Variants in CSMD1 observed in about 807,000 individuals in gnomAD.
CSMD1 encodes CUB and sushi domain-containing protein 1.
A neutral mutation model predicts 417.5 loss-of-function variants in CSMD1; 213 were observed. The observed-to-expected ratio is 0.51, with a 90% CI of 0.46 to 0.57. The LOEUF is 0.57. CSMD1 is among the 20% of genes least tolerant of loss of function. CSMD1 has a pLI of 0.00. For missense variants in CSMD1, 6,923 were observed against 4,529.7 expected, an observed-to-expected ratio of 1.53 and a Z score of -15.17; for synonymous variants, 2,862 against 1,736.8, an observed-to-expected ratio of 1.65 and a Z score of -16.11.
At chr8:4,617,917 G>GT (rs1563338860) in intron 2 of CSMD1, among the ~76,000 whole-genome samples, 15 of 152,202 alleles carry the variant, frequency 9.9e-5, no homozygotes, top group African/African-American at 3.6e-4. Flanking sequence ...CAGTTCCTAT[G>GT]CAATAACACT....
rs1811651785 is a variant in CSMD1 at position 4,994,481 on chromosome 8, G to A, written c.-65C>T. 8.3e-6 allele frequency: 12 copies of A among 1,450,858 alleles called. No homozygotes were observed. Among genetic ancestry groups the A allele is most frequent in the South Asian group, 1.2e-5 (1 of 85,920 alleles). The allele number at this position is 1,450,858 out of a possible 1,614,324, so 89.9% of individuals were successfully genotyped here. On this transcript the variant is annotated 5_prime_UTR_variant, in exon 1 of 70. Transcript: ENST00000635120. Reference sequence around the variant, plus strand: ...CTCCGAGGAAGGCAGGGCTATGAGCGGAGCCAAATAATCACCCGAGGGCAA... The same window carrying A: ...CTCCGAGGAAGGCAGGGCTATGAGCAGAGCCAAATAATCACCCGAGGGCAA...
At chr8:4,358,240 G>T (rs1222805229) in intron 3 of CSMD1, among the ~76,000 whole-genome samples, 1 of 152,214 alleles carries the variant, frequency 6.6e-6, no homozygotes, top group African/African-American at 2.4e-5. Flanking sequence ...ATGTCACTGT[G>T]GGGCTTGTTG....
In CSMD1 at chr8:4,752,141, T is replaced by C. The variant is rs79345976; in HGVS notation, c.86-114583A>G. On this transcript the variant is annotated intron_variant, in intron 1 of 69. Coordinates refer to ENST00000635120, the MANE Select transcript of CSMD1 (RefSeq NM_033225.6). ...CACATGTATATATCATATATATGTA[T>C]CTCAGTTGCTCTTTAGTTCCTTACC... is the stretch of plus-strand genomic sequence containing the variant. Among the ~76,000 whole-genome samples, 4 of 152,154 alleles carry C rather than the reference T, an allele frequency of 2.6e-5. No individual in the cohort carries two copies. The South Asian group carries it at 8.3e-4, about 32-fold the overall frequency.
intron 2 of CSMD1, among the ~76,000 whole-genome samples, chr8:4,439,638 G>T (rs980974540): frequency 6.6e-6 from 1 of 152,084 alleles, no homozygotes; most frequent in African/African-American, 2.4e-5. Context: ...AGCACCATAA[G>T]GCAAAATGGA....
intron 37 of CSMD1, among the ~76,000 whole-genome samples, chr8:3,171,828 A>G (rs987483733): frequency 1.3e-5 from 2 of 152,172 alleles, no homozygotes; most frequent in African/African-American, 4.8e-5. Flanking sequence ...TTTATCCATT[A>G]TTTGGGAATA....
chr8:3,144,280 G>A (rs538151303), intron 40 of CSMD1, among the ~76,000 whole-genome samples: 20 of 144,394 alleles, frequency 1.4e-4, no homozygotes, highest in Non-Finnish European at 1.4e-4. Flanking sequence ...GGTTTGGTAT[G>A]CCAATAGACT....
chr8:4,229,973 G>A (rs746776027), intron 3 of CSMD1, among the ~76,000 whole-genome samples: 3 of 152,086 alleles, frequency 2.0e-5, no homozygotes, highest in Non-Finnish European at 4.4e-5. Context: ...TCCTAAAGCC[G>A]ACATTATAAC....
chr8:4,142,014 CA>C lies in CSMD1; in HGVS notation c.416-109916del, dbSNP rs1257298475. 6.0e-5 allele frequency among the ~76,000 whole-genome samples: 9 copies of C among 150,252 alleles called. 2 individuals carry two copies. Among genetic ancestry groups the C allele is most frequent in the African/African-American group, 2.2e-4 (9 of 40,092 alleles). On this transcript the variant is annotated intron_variant, in intron 3 of 69. Transcript: ENST00000635120. ...TCAACTTATATATTCAATGATGTTC[CA>C]AAACTTCTATATTCAAAGATGTTTT...
chr8:3,856,239 C>T (rs1037660347), intron 5 of CSMD1, among the ~76,000 whole-genome samples: 66 of 152,040 alleles, frequency 4.3e-4, no homozygotes, highest in African/African-American at 1.6e-3. Context: ...GTAGCACCTG[C>T]TCTCTCTCTT....
At chr8:4,851,391 T>C (rs1801472030) in intron 1 of CSMD1, among the ~76,000 whole-genome samples, 1 of 152,102 alleles carries the variant, frequency 6.6e-6, no homozygotes, top group Non-Finnish European at 1.5e-5. Context: ...TTCCTGCTTT[T>C]CCTTTTTTGT....
chr8:3,379,316 T>C (rs1810493715), intron 18 of CSMD1, among the ~76,000 whole-genome samples: 1 of 152,182 alleles, frequency 6.6e-6, no homozygotes, highest in South Asian at 2.1e-4. Context: ...AAAATGGCAA[T>C]ACTGTCCAAA....
chr8:4,636,825 TC>T (rs1474582705), intron 2 of CSMD1, among the ~76,000 whole-genome samples: 2 of 152,168 alleles, frequency 1.3e-5, no homozygotes, highest in African/African-American at 4.8e-5. Flanking sequence ...CAGCTGGACT[TC>T]TTGCATTGAG....
At chr8:3,806,936 A>C (rs1250799673) in intron 5 of CSMD1, among the ~76,000 whole-genome samples, 1 of 152,184 alleles carries the variant, frequency 6.6e-6, no homozygotes, top group South Asian at 2.1e-4. Context: ...TCTAATTGTC[A>C]GATAGGATTT....
chr8:4,218,940 G>A (rs2128807106), intron 3 of CSMD1, among the ~76,000 whole-genome samples: 1 of 152,240 alleles, frequency 6.6e-6, no homozygotes, highest in South Asian at 2.1e-4. Context: ...CATTCTCTGA[G>A]CAATGCTATT....
chr8:4,920,064 G>T (rs757712171), intron 1 of CSMD1, among the ~76,000 whole-genome samples: 1 of 152,072 alleles, frequency 6.6e-6, no homozygotes, highest in East Asian at 1.9e-4. Context: ...AGACAGTAGA[G>T]GAAAATAAAA....
intron 1 of CSMD1, among the ~76,000 whole-genome samples, chr8:4,883,850 G>A (rs552173139): frequency 6.6e-6 from 1 of 151,864 alleles, no homozygotes; most frequent in South Asian, 2.1e-4. Context: ...TTTATAACTG[G>A]GGGTGAAATT....
chr8:4,924,078 A>G (rs1806689408), intron 1 of CSMD1, among the ~76,000 whole-genome samples: 2 of 152,218 alleles, frequency 1.3e-5, no homozygotes, highest in African/African-American at 2.4e-5. Flanking sequence ...GTGATGAACA[A>G]GACAAGTTTC....
chr8:3,962,045 T>C (rs1426552953), intron 5 of CSMD1, among the ~76,000 whole-genome samples: 8 of 152,148 alleles, frequency 5.3e-5, no homozygotes, highest in Admixed American at 1.3e-4. Flanking sequence ...TTCCTGGACA[T>C]GTGAGAAGGT....
intron 7 of CSMD1, among the ~76,000 whole-genome samples, chr8:3,659,329 A>C (rs1296303053): frequency 1.3e-5 from 2 of 152,322 alleles, no homozygotes; most frequent in Non-Finnish European, 2.9e-5. Context: ...ACAAAGAAAC[A>C]AATTTTCATT....
Sources: allele counts gnomAD v4.1 joint callset (sites outside exome capture counted in the v4.1 genomes callset), GRCh38; gene constraint gnomAD v4.1.1; transcripts MANE v1.5; gene names NCBI Gene and HGNC (gene_info 2026-07-23, HGNC 2026-07-21).